PTPRD: variants seen among roughly 807,000 people sequenced by gnomAD.
PTPRD encodes receptor-type tyrosine-protein phosphatase delta.
PTPRD carries 34 observed loss-of-function variants against 214.5 expected under a neutral mutation model. That is an observed-to-expected ratio of 0.16 (90% CI 0.12 to 0.21). The LOEUF is 0.21. PTPRD is among the 10% of genes least tolerant of loss of function. The probability of loss-of-function intolerance (pLI) is 1.00; values close to 1 mark genes in which losing one functional copy is unlikely to be tolerated. For synonymous variants in PTPRD, 1,128 were observed against 845.7 expected (o/e 1.33, Z -5.79); for missense variants, 2,545 against 2,398.7 (o/e 1.06, Z -1.27).
At position 9,760,655 on chromosome 9, in the gene PTPRD, T is replaced by C. The variant is rs10977958; in HGVS notation, c.-326+6155A>G. ...ACACACACACACACACACACACACA[T>C]ATATATATATATTCCAGCACTGTTC... On this transcript the variant is annotated intron_variant, in intron 6 of 45. Transcript: ENST00000381196. Among the ~76,000 whole-genome samples, 2,268 of 86,294 alleles carry C rather than the reference T, an allele frequency of 0.026. 115 individuals are homozygous for C. In the East Asian group the frequency reaches 0.37, roughly 14 times the overall value. 56.6% of individuals were successfully genotyped at this position (86,294 alleles called of 152,430 possible).
At chr9:8,418,962 T>C (rs141908303) in intron 35 of PTPRD, among the ~76,000 whole-genome samples, 1 of 151,986 alleles carries the variant, frequency 6.6e-6, no homozygotes, top group Non-Finnish European at 1.5e-5. Flanking sequence ...AATGTCCTTG[T>C]AAAAATGGCT....
intron 2 of PTPRD, among the ~76,000 whole-genome samples, chr9:10,357,626 T>C (rs1354679324): frequency 2.0e-5 from 3 of 152,192 alleles, no homozygotes; most frequent in Non-Finnish European, 4.4e-5. Flanking sequence ...TTTGTGCTGG[T>C]AGGAAAGTTT....
At chr9:9,003,964 ACTC>A (rs2099439241) in intron 11 of PTPRD, among the ~76,000 whole-genome samples, 1 of 151,990 alleles carries the variant, frequency 6.6e-6, no homozygotes, top group African/African-American at 2.4e-5. Flanking sequence ...TCCTAAACGA[ACTC>A]AATCTCTGGA....
chr9:8,643,721 C>T (rs1368721531), intron 12 of PTPRD, among the ~76,000 whole-genome samples: 1 of 152,206 alleles, frequency 6.6e-6, no homozygotes, highest in African/African-American at 2.4e-5. Context: ...ACTGAGACAC[C>T]AGCCCCTTGC....
At chr9:8,606,508 A>G (rs2154282884) in intron 14 of PTPRD, among the ~76,000 whole-genome samples, 1 of 152,310 alleles carries the variant, frequency 6.6e-6, no homozygotes, top group Non-Finnish European at 1.5e-5. Flanking sequence ...TGTATAAAAG[A>G]GATGAAATAA....
intron 12 of PTPRD, among the ~76,000 whole-genome samples, chr9:8,727,486 C>A (rs1056915571): frequency 6.6e-6 from 1 of 152,104 alleles, no homozygotes; most frequent in African/African-American, 2.4e-5. Context: ...CACACCTCTA[C>A]TAATTTAGAG....
At chr9:9,634,849 A>G (rs1452813989) in intron 7 of PTPRD, among the ~76,000 whole-genome samples, 2 of 152,202 alleles carry the variant, frequency 1.3e-5, no homozygotes, top group African/African-American at 4.8e-5. Flanking sequence ...CAGGGATTAC[A>G]AGTTACTTTT....
At chr9:9,470,379 AT>A (rs2094506800) in intron 8 of PTPRD, among the ~76,000 whole-genome samples, 1 of 152,182 alleles carries the variant, frequency 6.6e-6, no homozygotes, top group Non-Finnish European at 1.5e-5. Flanking sequence ...AAGATGTTAT[AT>A]TTTGTACAGT....
chr9:10,455,759 T>G (rs75835054), intron 2 of PTPRD, among the ~76,000 whole-genome samples: 6,957 of 151,842 alleles, frequency 0.046, 231 homozygotes, highest in South Asian at 0.13. Flanking sequence ...TGTTCAAAAT[T>G]TCAGCGATGT....
At chr9:8,325,378 G>T (rs1174553773) in intron 44 of PTPRD, among the ~76,000 whole-genome samples, 1 of 149,028 alleles carries the variant, frequency 6.7e-6, no homozygotes, top group Non-Finnish European at 1.5e-5. Flanking sequence ...TTTCCCTCAG[G>T]TTTGTCAAAG....
At chr9:9,275,199 T>TAATATATATGTTATATATA (rs1491465404) in intron 9 of PTPRD, among the ~76,000 whole-genome samples, 1 of 10,402 alleles carries the variant, frequency 9.6e-5, no homozygotes, top group African/African-American at 2.4e-4. Context: ...TATATATATA[T>TAATATATATGTTATATATA]TATATATATA....
chr9:8,603,375 T>C (rs1006545694), intron 14 of PTPRD, among the ~76,000 whole-genome samples: 1 of 152,206 alleles, frequency 6.6e-6, no homozygotes, highest in African/African-American at 2.4e-5. Context: ...TTTAAACTCT[T>C]GGTGTGAGTA....
chr9:9,793,537 A>G (rs745509505), intron 5 of PTPRD, among the ~76,000 whole-genome samples: 24 of 152,232 alleles, frequency 1.6e-4, no homozygotes, highest in Admixed American at 5.9e-4. Flanking sequence ...TGTGTTTCCT[A>G]AATTTATTTT....
intron 3 of PTPRD, among the ~76,000 whole-genome samples, chr9:10,114,200 C>G (rs946110079): frequency 3.9e-5 from 6 of 152,068 alleles, no homozygotes; most frequent in Non-Finnish European, 5.9e-5. Flanking sequence ...TCACCCACAA[C>G]CTGGCGAGAA....
intron 7 of PTPRD, among the ~76,000 whole-genome samples, chr9:9,636,976 T>A (rs914377743): frequency 6.6e-6 from 1 of 151,718 alleles, no homozygotes; most frequent in Non-Finnish European, 1.5e-5. Flanking sequence ...TGTCCTCACA[T>A]GGTAGAAGCA....
In PTPRD at chr9:8,535,995, C is replaced by A. The variant is rs2076841855; in HGVS notation, c.353-7216G>T. ...TGCAAAGCACTATAATGCCCAGTAT[C>A]TCTAAAATACAAATATTTGAACCTT... On this transcript the variant is annotated intron_variant, in intron 14 of 45. Transcript: ENST00000381196. Among the ~76,000 whole-genome samples, 4 of 151,862 alleles carry A rather than the reference C, an allele frequency of 2.6e-5. No individual in the cohort carries two copies. The South Asian group carries it at 8.3e-4, about 32-fold the overall frequency.
chr9:8,873,695 T>A (rs1258987117), intron 11 of PTPRD, among the ~76,000 whole-genome samples: 1 of 152,144 alleles, frequency 6.6e-6, no homozygotes, highest in Non-Finnish European at 1.5e-5. Context: ...GAGAGTTTCT[T>A]TATTATGTAA....
chr9:10,064,667 C>T (rs12237805), intron 3 of PTPRD, among the ~76,000 whole-genome samples: 1 of 151,668 alleles, frequency 6.6e-6, no homozygotes, highest in African/African-American at 2.4e-5. Flanking sequence ...AGACATTAAG[C>T]AATTAACCCA....
At chr9:10,126,832 A>G (rs2098823466) in intron 3 of PTPRD, among the ~76,000 whole-genome samples, 1 of 152,114 alleles carries the variant, frequency 6.6e-6, no homozygotes, top group Non-Finnish European at 1.5e-5. Context: ...GAAACTGTAC[A>G]AACAATGTGA....
Sources: allele counts gnomAD v4.1 joint callset (sites outside exome capture counted in the v4.1 genomes callset), GRCh38; gene constraint gnomAD v4.1.1; transcripts MANE v1.5; gene names NCBI Gene and HGNC (gene_info 2026-07-23, HGNC 2026-07-21).